Variants in HAUS7 observed in about 807,000 individuals in gnomAD.
The protein encoded by HAUS7 is HAUS augmin like complex subunit 7.
In HAUS7, 3 loss-of-function variants were observed where a neutral mutation model predicts 28.4. The observed-to-expected ratio is 0.11, with a 90% CI of 0.05 to 0.27. HAUS7 has a LOEUF of 0.27. HAUS7 is among the 10% of genes least tolerant of loss of function. HAUS7 has a pLI of 1.00. For missense variants in HAUS7, 284 were observed against 297.3 expected, an observed-to-expected ratio of 0.96 and a Z score of 0.33; for synonymous variants, 165 against 132.1, an observed-to-expected ratio of 1.25 and a Z score of -1.71.
chrX:153,449,738 C>G (rs1556980773), intron 9 of HAUS7, among the ~76,000 whole-genome samples: 1 of 112,464 alleles, frequency 8.9e-6, no homozygotes, highest in Non-Finnish European at 1.9e-5. Context: ...CCTGCACTCA[C>G]CTGGCTTGTA....
chrX:153,492,975 G>A (rs782121984), intron 1 of HAUS7, among the ~76,000 whole-genome samples: 1 of 112,078 alleles, frequency 8.9e-6, no homozygotes, highest in South Asian at 3.7e-4. Flanking sequence ...AGCACCTCGG[G>A]CAGCAGGCAT....
chrX:153,478,322 C>A (rs1332539942), intron 1 of HAUS7, among the ~76,000 whole-genome samples: 1 of 111,922 alleles, frequency 8.9e-6, no homozygotes, highest in Non-Finnish European at 1.9e-5. Flanking sequence ...GGAACTGGAG[C>A]CAGACACCCC....
chrX:153,490,792 A>G (rs903308462), intron 1 of HAUS7, among the ~76,000 whole-genome samples: 4 of 112,530 alleles, frequency 3.6e-5, no homozygotes, highest in African/African-American at 6.5e-5. Context: ...CTACTCCCCA[A>G]TGACAGGCGG....
At chrX:153,453,222 G>A (rs1294156429) in intron 9 of HAUS7, among the ~76,000 whole-genome samples, 1 of 111,993 alleles carries the variant, frequency 8.9e-6, no homozygotes, top group Non-Finnish European at 1.9e-5. Context: ...CAAATCCATA[G>A]AGACAGACAG....
chrX:153,479,298 G>A (rs2124171459), intron 1 of HAUS7: 4 of 744,616 alleles, frequency 5.4e-6, no homozygotes, highest in African/African-American at 4.6e-5. Context: ...TGGCACTGTG[G>A]GCGGGGAGCT....
rs1038309370 is a variant in HAUS7 at position 153,485,659 on chromosome X, G to A, written c.-589+9715C>T. On this transcript the variant is annotated intron_variant, in intron 1 of 5. Transcript: ENST00000370210. ...GAGTTCGGGTTGCGGCTGCCATCTCGGAGTGAATCCCCACGCTCGTCTTGG... is the reference window on the plus strand; with the variant it reads ...GAGTTCGGGTTGCGGCTGCCATCTCAGAGTGAATCCCCACGCTCGTCTTGG... The A allele has an allele frequency of 1.9e-5, 8 of 429,377 alleles. No homozygotes were observed. The Admixed American group carries it at 2.3e-4, about 12-fold the overall frequency. The allele number at this position is 429,377 out of a possible 1,213,427, so 35.4% of individuals were successfully genotyped here.
At chrX:153,482,769 G>A in intron 1 of HAUS7, 1 of 754,738 alleles carries the variant, frequency 1.3e-6, no homozygotes, top group Non-Finnish European at 1.6e-6. Context: ...GCGTGACAGG[G>A]ACATCTCCCC....
At chrX:153,462,569 A>G (rs782526003) in intron 4 of HAUS7, 41 bp downstream of exon 4, 1 of 1,036,357 alleles carries the variant, frequency 9.6e-7, no homozygotes, top group Non-Finnish European at 1.4e-6. Context: ...CAGGGCAGAA[A>G]GCGTGCGTGC....
chrX:153,459,476 C>G (rs2089359101), intron 4 of HAUS7, among the ~76,000 whole-genome samples: 1 of 111,593 alleles, frequency 9.0e-6, no homozygotes, highest in Non-Finnish European at 1.9e-5. Context: ...TAAAACATCA[C>G]TATGAACACC....
intron 1 of HAUS7, among the ~76,000 whole-genome samples, chrX:153,488,192 G>C (rs2089650337): frequency 8.9e-6 from 1 of 112,993 alleles, no homozygotes. Context: ...CCTCCAGCAT[G>C]CCCCTCTGGC....
At chrX:153,477,840 G>T (rs1488868946) in intron 1 of HAUS7, among the ~76,000 whole-genome samples, 3 of 112,512 alleles carry the variant, frequency 2.7e-5, no homozygotes, top group African/African-American at 9.7e-5. Flanking sequence ...ATATAGCAGA[G>T]GACCCCATGT....
intron 1 of HAUS7, chrX:153,479,163 G>T (rs1488837763): frequency 6.9e-6 from 1 of 144,541 alleles, no homozygotes; most frequent in Non-Finnish European, 1.2e-5. Context: ...CGCAGCCAGG[G>T]CCAGGAGCTC....
At chrX:153,469,508 A>C (rs955864865) in intron 1 of HAUS7, among the ~76,000 whole-genome samples, 4 of 111,795 alleles carry the variant, frequency 3.6e-5, no homozygotes, top group Non-Finnish European at 7.5e-5. Context: ...TTGTATTTTT[A>C]ATAGAGACGG....
chrX:153,449,817 C>T (rs1489476300), intron 9 of HAUS7, among the ~76,000 whole-genome samples: 1 of 112,488 alleles, frequency 8.9e-6, no homozygotes, highest in Non-Finnish European at 1.9e-5. Flanking sequence ...GACCCTGTGC[C>T]TGGCTGGGGC....
intron 1 of HAUS7, chrX:153,486,084 A>G: frequency 1.1e-6 from 1 of 951,359 alleles, no homozygotes; most frequent in African/African-American, 2.0e-5. Flanking sequence ...GGCCTGAGCC[A>G]CAACAGGATC....
chrX:153,448,754 C>G (rs1010343047), intron 9 of HAUS7, among the ~76,000 whole-genome samples: 7 of 111,510 alleles, frequency 6.3e-5, no homozygotes, highest in Non-Finnish European at 9.5e-5. Context: ...TGCTCAGGCT[C>G]TGTGGGGACC....
At chrX:153,468,039 G>A (rs782079596) in intron 2 of HAUS7, among the ~76,000 whole-genome samples, 14 of 112,598 alleles carry the variant, frequency 1.2e-4, no homozygotes, top group African/African-American at 3.9e-4. Context: ...GTTATGAAGC[G>A]AGGAGCTGCT....
chrX:153,489,913 C>A (rs1312545133), intron 1 of HAUS7, among the ~76,000 whole-genome samples: 1 of 113,045 alleles, frequency 8.8e-6, no homozygotes, highest in Non-Finnish European at 1.9e-5. Context: ...CACCCCCTAC[C>A]CCCATAATAG....
intron 9 of HAUS7, among the ~76,000 whole-genome samples, chrX:153,449,810 C>T (rs1185949466): frequency 8.9e-6 from 1 of 112,374 alleles, no homozygotes; most frequent in Non-Finnish European, 1.9e-5. Context: ...CCCTGGAGAC[C>T]CTGTGCCTGG....
Sources: allele counts gnomAD v4.1 joint callset (sites outside exome capture counted in the v4.1 genomes callset), GRCh38; gene constraint gnomAD v4.1.1; transcripts MANE v1.5; gene names NCBI Gene and HGNC (gene_info 2026-07-23, HGNC 2026-07-21).